Variants in PPP1R13B observed in about 807,000 individuals in gnomAD.
The protein encoded by PPP1R13B is apoptosis-stimulating of p53 protein 1.
PPP1R13B carries 44 observed loss-of-function variants against 119.8 expected under a neutral mutation model. That is an observed-to-expected ratio of 0.37 (90% CI 0.29 to 0.47). The LOEUF (loss-of-function observed/expected upper bound fraction) is 0.47. PPP1R13B is among the 20% of genes least tolerant of loss of function. The probability of loss-of-function intolerance (pLI) is 0.99; values close to 1 mark genes in which losing one functional copy is unlikely to be tolerated. For synonymous variants in PPP1R13B, 542 were observed against 561.5 expected, an observed-to-expected ratio of 0.97 and a Z score of 0.49; for missense variants, 1,227 against 1,413.5, an observed-to-expected ratio of 0.87 and a Z score of 2.12.
At chr14:103,797,661 G>A in intron 1 of PPP1R13B, 143 bp from the exon 2 acceptor site, 1 of 456,614 alleles carries the variant, frequency 2.2e-6, no homozygotes, top group Non-Finnish European at 3.8e-6. Context: ...TAGATAAGCT[G>A]ATTCTAAAGT....
chr14:103,748,273 T>C (rs1005485402), intron 8 of PPP1R13B, among the ~76,000 whole-genome samples: 5 of 152,154 alleles, frequency 3.3e-5, no homozygotes, highest in African/African-American at 1.2e-4. Flanking sequence ...ACATCTGAAA[T>C]CATAAAGTTG....
At position 103,742,801 on chromosome 14, in the gene PPP1R13B, T is replaced by A. The variant is rs765856972; in HGVS notation, c.1173A>T (p.Thr391=). ...CGGAAGAGCTAGAATTCTGTTTTAA[T>A]GTTGGCCAGTTTCCATCATTAGCTT... ...SKSANDGNWP[T]LKQNSSSSVK... Residue 391 remains threonine (T), a synonymous_variant, in exon 10 of 17, where the codon ACA becomes ACT. Transcript: ENST00000202556. The surrounding 1 kb of genome is among the most constrained non-coding windows in gnomAD (Gnocchi z 4.9). The A allele has an allele frequency of 6.2e-7, 1 of 1,614,140 alleles. No individual in the cohort carries two copies. Among genetic ancestry groups the A allele is most frequent in the Non-Finnish European group, 8.5e-7 (1 of 1,180,026 alleles).
chr14:103,789,570 A>G (rs2085563457), intron 2 of PPP1R13B, among the ~76,000 whole-genome samples: 1 of 149,420 alleles, frequency 6.7e-6, no homozygotes, highest in Non-Finnish European at 1.5e-5. Flanking sequence ...GCTAGAGTAC[A>G]GTGGCGCCAT....
At chr14:103,822,328 T>C (rs2086430020) in intron 1 of PPP1R13B, among the ~76,000 whole-genome samples, 1 of 150,818 alleles carries the variant, frequency 6.6e-6, no homozygotes, top group Non-Finnish European at 1.5e-5. Context: ...AGACACGGGG[T>C]TTCGCCGTGT....
At chr14:103,831,620 T>A (rs867959054) in intron 1 of PPP1R13B, among the ~76,000 whole-genome samples, 14 of 150,872 alleles carry the variant, frequency 9.3e-5, no homozygotes, top group Admixed American at 2.0e-4. Context: ...CTCTTTTGCC[T>A]TTTTAAAGAG....
intron 1 of PPP1R13B, among the ~76,000 whole-genome samples, chr14:103,843,624 T>C (rs766377691): frequency 4.6e-5 from 7 of 152,150 alleles, no homozygotes; most frequent in Non-Finnish European, 1.0e-4. Flanking sequence ...AATACTATTT[T>C]CATAAGGGAA....
chr14:103,779,760 C>A (rs527478248), intron 3 of PPP1R13B, among the ~76,000 whole-genome samples: 16 of 152,074 alleles, frequency 1.1e-4, no homozygotes, highest in Non-Finnish European at 1.6e-4. Context: ...GCGCTCCAGC[C>A]CAGGTGACAG....
At chr14:103,836,855 C>T (rs1161487605) in intron 1 of PPP1R13B, among the ~76,000 whole-genome samples, 2 of 151,854 alleles carry the variant, frequency 1.3e-5, no homozygotes, top group African/African-American at 4.8e-5. Context: ...CGGGTCTGGA[C>T]TTGCTGATAA....
chr14:103,741,211 C>T (rs938866084), intron 11 of PPP1R13B, among the ~76,000 whole-genome samples: 12 of 152,228 alleles, frequency 7.9e-5, no homozygotes, highest in African/African-American at 1.7e-4. Context: ...ACCTGACCCG[C>T]GGCTTCCTCC....
intron 4 of PPP1R13B, among the ~76,000 whole-genome samples, chr14:103,766,619 G>A (rs1463357693): frequency 6.6e-6 from 1 of 152,000 alleles, no homozygotes; most frequent in African/African-American, 2.4e-5. Context: ...TTTTTTGTTT[G>A]TTTTTTTCAG....
chr14:103,744,845 G>T (rs1373061028), intron 9 of PPP1R13B, among the ~76,000 whole-genome samples: 1 of 152,218 alleles, frequency 6.6e-6, no homozygotes, highest in Non-Finnish European at 1.5e-5. Flanking sequence ...GGTTCCCCGT[G>T]TCCATGACTT....
intron 1 of PPP1R13B, among the ~76,000 whole-genome samples, chr14:103,798,152 C>CTCT (rs1555442559): frequency 1.5e-5 from 2 of 129,184 alleles, no homozygotes; most frequent in African/African-American, 2.9e-5. Flanking sequence ...ATAATAATCT[C>CTCT]TTTTTTTTTT....
intron 1 of PPP1R13B, among the ~76,000 whole-genome samples, chr14:103,797,926 T>C (rs2085797962): frequency 6.6e-6 from 1 of 151,838 alleles, no homozygotes; most frequent in Non-Finnish European, 1.5e-5. Flanking sequence ...GCAAAATATA[T>C]CCATGTGGAA....
chr14:103,834,859 C>T (rs1442564030), intron 1 of PPP1R13B, among the ~76,000 whole-genome samples: 1 of 152,100 alleles, frequency 6.6e-6, no homozygotes, highest in Non-Finnish European at 1.5e-5. Flanking sequence ...TCCCAAAATG[C>T]TGGGATTACA....
intron 2 of PPP1R13B, among the ~76,000 whole-genome samples, chr14:103,786,993 C>T (rs1403206512): frequency 6.6e-6 from 1 of 150,908 alleles, no homozygotes; most frequent in Non-Finnish European, 1.5e-5. Context: ...CGGGCGTGAG[C>T]CACCATGCCT....
At chr14:103,816,084 AAAAC>A (rs1157124154) in intron 1 of PPP1R13B, among the ~76,000 whole-genome samples, 2 of 152,094 alleles carry the variant, frequency 1.3e-5, no homozygotes, top group Admixed American at 6.5e-5. Flanking sequence ...ACTCCATCTC[AAAAC>A]AAACAAACAA....
chr14:103,742,950 G>A lies in PPP1R13B; in HGVS notation c.1151-127C>T. On this transcript the variant is annotated intron_variant, in intron 9 of 16. Coordinates refer to ENST00000202556, the MANE Select transcript of PPP1R13B (RefSeq NM_015316.3). The surrounding 1 kb of genome is among the most constrained non-coding windows in gnomAD (Gnocchi z 4.9). The stretch of plus-strand genomic sequence containing the variant: ...ATTCTGATGCAGATCCATTAACCGA[G>A]TGGTCAACCACCAGCCACATGCACA... 1.1e-5 allele frequency: 12 copies of A among 1,095,214 alleles called. No individual in the cohort carries two copies. Among genetic ancestry groups the A allele is most frequent in the African/African-American group, 3.1e-5 (2 of 64,008 alleles). 67.8% of individuals were successfully genotyped at this position (1,095,214 alleles called of 1,614,324 possible).
intron 2 of PPP1R13B, among the ~76,000 whole-genome samples, chr14:103,793,093 G>T (rs1052373243): frequency 1.4e-5 from 2 of 140,418 alleles, no homozygotes; most frequent in Non-Finnish European, 3.1e-5. Context: ...AGGGAAGGAA[G>T]GGGAGGGGAG....
In PPP1R13B at chr14:103,805,961, CTA is replaced by C. The variant is rs1427742509; in HGVS notation, c.10-8445_10-8444del. 3.3e-5 allele frequency among the ~76,000 whole-genome samples: 5 copies of C among 152,146 alleles called. No homozygotes were observed. The East Asian group carries it at 7.7e-4, about 23-fold the overall frequency. On this transcript the variant is annotated intron_variant, in intron 1 of 16. Coordinates refer to ENST00000202556, the MANE Select transcript of PPP1R13B (RefSeq NM_015316.3). ...TTAGATTGTGGTGATGGCTGTACAACTATGTAAATTTACTAAAGATCACTGAA... is the reference window on the plus strand; with the variant it reads ...TTAGATTGTGGTGATGGCTGTACAACTGTAAATTTACTAAAGATCACTGAA...
Sources: gnomAD v4.1 joint callset for allele counts (sites outside exome capture counted in the v4.1 genomes callset) on GRCh38, gnomAD v4.1.1 for gene constraint, Gnocchi (gnomAD v3.1) non-coding constraint, MANE v1.5 for transcripts, NCBI Gene and HGNC (gene_info 2026-07-23, HGNC 2026-07-21) for gene names.